Variants in NADK2 observed in about 807,000 individuals in gnomAD.
The protein encoded by NADK2 is NAD kinase domain-containing protein 1, mitochondrial.
Under a neutral mutation model 62.1 loss-of-function variants are expected in NADK2, and 35 were observed. The observed-to-expected ratio is 0.56, with a 90% CI of 0.43 to 0.75. The LOEUF is 0.75. NADK2 is among the 30% of genes least tolerant of loss of function. The probability of loss-of-function intolerance (pLI) is 0.00; values close to 1 mark genes in which losing one functional copy is unlikely to be tolerated. For missense variants in NADK2, 439 were observed against 561.3 expected (o/e 0.78, Z 2.20); for synonymous variants, 205 against 207.9 (o/e 0.99, Z 0.12).
At chr5:36,224,755 T>C (rs1206645309) in intron 4 of NADK2, among the ~76,000 whole-genome samples, 1 of 151,902 alleles carries the variant, frequency 6.6e-6, no homozygotes, top group East Asian at 1.9e-4. Context: ...ATTGTAGAGA[T>C]AGGGAATTCC....
chr5:36,220,781 C>A (rs1263808958), intron 4 of NADK2, among the ~76,000 whole-genome samples: 2 of 152,194 alleles, frequency 1.3e-5, no homozygotes, highest in African/African-American at 2.4e-5. Context: ...CGGCAGGCAT[C>A]TGAAGGCTTG....
intron 8 of NADK2, 70 bp downstream of exon 8, chr5:36,207,100 G>T: frequency 7.6e-7 from 1 of 1,312,094 alleles, no homozygotes; most frequent in Non-Finnish European, 1.1e-6. Context: ...ACAGGCCTTA[G>T]ATGGGCCAAA....
At position 36,194,121 on chromosome 5, in the gene NADK2, TG is replaced by T. The variant is rs1197931835; in HGVS notation, c.*1022del. The T allele has an allele frequency of 2.0e-5, 3 of 151,354 alleles. No individual in the cohort carries two copies. The highest frequency in any genetic ancestry group is 2.1e-4 in the South Asian group (1 of 4,808). 9.4% of individuals were successfully genotyped at this position (151,354 alleles called of 1,614,324 possible). On this transcript the variant is annotated 3_prime_UTR_variant, in exon 12 of 12. Coordinates refer to ENST00000381937, the MANE Select transcript of NADK2 (RefSeq NM_001085411.3). The stretch of plus-strand genomic sequence containing the variant: ...TCCTCCAAAAATAAAGGAATTCTCA[TG>T]GGGAAAAAAAAAAAGTCCTAACATC...
chr5:36,213,633 G>A (rs868302771), intron 6 of NADK2, among the ~76,000 whole-genome samples: 25 of 18,292 alleles, frequency 1.4e-3, no homozygotes, highest in South Asian at 7.2e-3. Flanking sequence ...ATATATATAT[G>A]GATTTGATAT....
At chr5:36,242,036 G>A, upstream of NADK2, 1 of 226,790 alleles carries the variant, frequency 4.4e-6, no homozygotes, top group Non-Finnish European at 8.5e-6. Context: ...AAGGTGGGCG[G>A]GGAAGAAATG....
Position 36,224,328 on chromosome 5 carries a change from G to C in NADK2, c.560+1214C>G, listed in dbSNP as rs1297599083. ...CATTTGCATTTTGGGAGGCCAAGGT[G>C]GGTGGATCACTTGAGATCAGGAGTT... On this transcript the variant is annotated intron_variant, in intron 4 of 11. Transcript: ENST00000381937. Among the ~76,000 whole-genome samples, 3 of 152,120 alleles carry C rather than the reference G, an allele frequency of 2.0e-5. No homozygotes were observed. In the South Asian group the frequency reaches 6.2e-4, roughly 32 times the overall value.
At chr5:36,199,131 A>G (rs1446289783) in intron 10 of NADK2, among the ~76,000 whole-genome samples, 1 of 151,982 alleles carries the variant, frequency 6.6e-6, no homozygotes, top group African/African-American at 2.4e-5. Flanking sequence ...CAGCACACCA[A>G]CATGGCACAT....
chr5:36,215,529 T>C (rs1013811486), intron 6 of NADK2, among the ~76,000 whole-genome samples: 7 of 152,198 alleles, frequency 4.6e-5, no homozygotes, highest in Non-Finnish European at 1.0e-4. Context: ...TACTATGCTA[T>C]TGAACGTTAG....
At chr5:36,236,941 A>G (rs1747933644) in intron 1 of NADK2, among the ~76,000 whole-genome samples, 1 of 151,934 alleles carries the variant, frequency 6.6e-6, no homozygotes, top group South Asian at 2.1e-4. Context: ...CTACAAAAGT[A>G]GACACATAGA....
intron 5 of NADK2, among the ~76,000 whole-genome samples, chr5:36,218,589 G>A (rs1747136815): frequency 6.6e-6 from 1 of 152,136 alleles, no homozygotes; most frequent in African/African-American, 2.4e-5. Flanking sequence ...TTCTTGAAAA[G>A]AAGATCTAAT....
chr5:36,224,128 G>T (rs759216153), intron 4 of NADK2, among the ~76,000 whole-genome samples: 38 of 152,074 alleles, frequency 2.5e-4, no homozygotes, highest in Non-Finnish European at 5.0e-4. Context: ...GGCTACATAG[G>T]AAGTTTGTGT....
rs1747447065 is a variant in NADK2 at position 36,225,479 on chromosome 5, C to T, written c.560+63G>A. 37 of 1,334,088 alleles carry T rather than the reference C, an allele frequency of 2.8e-5. 1 individual carries two copies. In the South Asian group the frequency reaches 4.5e-4, roughly 16 times the overall value. 82.6% of individuals were successfully genotyped at this position (1,334,088 alleles called of 1,614,324 possible). On this transcript the variant is annotated intron_variant, in intron 4 of 11. Transcript: ENST00000381937. ...AAAGCAGAAATGCATGTATGTATAA[C>T]CTAAAAAAAAACTTAAAAAGCACAC...
rs139674728 is a variant in NADK2, at chr5:36,225,304, T to C, written c.560+238A>G. Among the ~76,000 whole-genome samples, 168 of 152,324 alleles carry C rather than the reference T, an allele frequency of 1.1e-3. 2 individuals carry two copies. The highest frequency in any genetic ancestry group is 3.7e-3 in the African/African-American group (154 of 41,572). ...TTCTGGAACATGGTTCTAATGTTCA[T>C]GGTGGCCAGGAACAATGATGCTTCC... On this transcript the variant is annotated intron_variant, in intron 4 of 11. Coordinates refer to ENST00000381937, the MANE Select transcript of NADK2 (RefSeq NM_001085411.3).
intron 5 of NADK2, chr5:36,218,108 C>T: frequency 2.5e-6 from 1 of 392,902 alleles, no homozygotes; most frequent in Non-Finnish European, 4.6e-6. Flanking sequence ...TGTGCTTGTA[C>T]AAAATCTCCC....
intron 8 of NADK2, among the ~76,000 whole-genome samples, chr5:36,202,162 T>C (rs1746474613): frequency 6.6e-6 from 1 of 152,018 alleles, no homozygotes; most frequent in Non-Finnish European, 1.5e-5. Context: ...TGCAAAAACA[T>C]GAGAATTTTT....
intron 4 of NADK2, among the ~76,000 whole-genome samples, chr5:36,222,213 A>G (rs1293385363): frequency 1.3e-5 from 2 of 151,870 alleles, no homozygotes; most frequent in African/African-American, 2.4e-5. Context: ...AGTAAGTGGT[A>G]TAAGGGAACT....
chr5:36,217,629 TTTG>T, intron 6 of NADK2, 116 bp downstream of exon 6: 2 of 1,047,752 alleles, frequency 1.9e-6, no homozygotes. Flanking sequence ...TTCACTGTAC[TTTG>T]TTAAGTGCTA....
chr5:36,225,960 T>C (rs987004491), intron 3 of NADK2, among the ~76,000 whole-genome samples: 17 of 152,214 alleles, frequency 1.1e-4, no homozygotes, highest in Non-Finnish European at 1.8e-4. Context: ...TCTTCTTTCC[T>C]TCTCCCATAA....
intron 9 of NADK2, among the ~76,000 whole-genome samples, chr5:36,200,645 C>T (rs531231511): frequency 6.6e-6 from 1 of 151,916 alleles, no homozygotes; most frequent in Non-Finnish European, 1.5e-5. Flanking sequence ...CTCACGCAGT[C>T]CTGCTCTAAC....
Sources: allele counts gnomAD v4.1 joint callset (sites outside exome capture counted in the v4.1 genomes callset), GRCh38; gene constraint gnomAD v4.1.1; transcripts MANE v1.5; gene names NCBI Gene and HGNC (gene_info 2026-07-23, HGNC 2026-07-21).